ABCB4: variants seen among roughly 807,000 people sequenced by gnomAD.
ABCB4 encodes phosphatidylcholine translocator ABCB4.
Under a neutral mutation model 145.7 loss-of-function variants are expected in ABCB4, and 76 were observed. The observed-to-expected ratio is 0.52, with a 90% CI of 0.43 to 0.63. The LOEUF (loss-of-function observed/expected upper bound fraction) is 0.63, where lower values mean the gene tolerates loss of function less well. Among genes scored for constraint, ABCB4 ranks in the 30% least tolerant of loss-of-function variants. The pLI is 0.00. For missense variants in ABCB4, 1,234 were observed against 1,553.1 expected (o/e 0.79, Z 3.45); for synonymous variants, 517 against 566.8 (o/e 0.91, Z 1.25).
chr7:87,446,957 C>G (rs1347633704), intron 9 of ABCB4, 77 bp downstream of exon 9: 14 of 1,327,346 alleles, frequency 1.1e-5, no homozygotes, highest in Non-Finnish European at 1.2e-5. Context: ...CAAAAAGGAG[C>G]GATATCAAAG....
chr7:87,381,954 T>C, the ABCB4 span: 17 of 1,611,156 alleles, frequency 1.1e-5, no homozygotes, highest in Admixed American at 8.3e-5. Flanking sequence ...TCAGTTATTA[T>C]GTGGATGAGA....
At chr7:87,375,491 A>T in the ABCB4 span, 6 of 574,998 alleles carry the variant, frequency 1.0e-5, no homozygotes, top group South Asian at 1.4e-4. Context: ...GTGATGTAGG[A>T]AATCTATTGG....
intron 4 of ABCB4, among the ~76,000 whole-genome samples, chr7:87,461,724 T>C (rs1812473130): frequency 6.6e-6 from 1 of 152,224 alleles, no homozygotes; most frequent in African/African-American, 2.4e-5. Flanking sequence ...TTTTACTGGA[T>C]TTTTAAAAGG....
chr7:87,473,726 A>AGTGTGT lies in ABCB4; in HGVS notation c.81-1057_81-1052dup, dbSNP rs4015825. On this transcript the variant is annotated intron_variant, in intron 2 of 27. Transcript: ENST00000649586. ...TACTATAATATAAACTCTATGAGGG[A>AGTGTGT]GTGTGTGTGTGTGTGTGTGTATGAT... is the stretch of plus-strand genomic sequence containing the variant. Among the ~76,000 whole-genome samples, 205 of 150,102 alleles carry AGTGTGT rather than the reference A, an allele frequency of 1.4e-3. 1 individual carries two copies. Among genetic ancestry groups the AGTGTGT allele is most frequent in the African/African-American group, 4.1e-3 (167 of 41,008 alleles).
chr7:87,466,096 T>G (rs1388368494), intron 3 of ABCB4, among the ~76,000 whole-genome samples: 1 of 152,006 alleles, frequency 6.6e-6, no homozygotes, highest in Non-Finnish European at 1.5e-5. Context: ...TGATCAAACT[T>G]CTCTGAGCTA....
the ABCB4 span, among the ~76,000 whole-genome samples, chr7:87,378,237 G>C: frequency 6.6e-6 from 1 of 151,786 alleles, no homozygotes; most frequent in Non-Finnish European, 1.5e-5. Context: ...CCAGCTACTT[G>C]GGAGGCTGAG....
intron 3 of ABCB4, among the ~76,000 whole-genome samples, chr7:87,466,539 A>G (rs1214186226): frequency 6.6e-6 from 1 of 152,210 alleles, no homozygotes; most frequent in East Asian, 1.9e-4. Context: ...AATTCAGGAA[A>G]TACAGAGAAC....
intron 3 of ABCB4, among the ~76,000 whole-genome samples, chr7:87,471,567 TGA>T (rs1293361061): frequency 3.9e-5 from 6 of 152,130 alleles, no homozygotes; most frequent in Non-Finnish European, 7.4e-5. Context: ...CAGCAGTGTT[TGA>T]GAGTGTGGAT....
the ABCB4 span, among the ~76,000 whole-genome samples, chr7:87,378,879 T>C: frequency 1.3e-5 from 2 of 152,188 alleles, no homozygotes; most frequent in African/African-American, 4.8e-5. Flanking sequence ...ACAAGGTGGA[T>C]TGGTTAATAG....
intron 4 of ABCB4, among the ~76,000 whole-genome samples, chr7:87,458,361 T>G (rs1812234958): frequency 6.6e-6 from 1 of 152,248 alleles, no homozygotes; most frequent in African/African-American, 2.4e-5. Flanking sequence ...TTTATTCTGT[T>G]GACAAGGACG....
intron 22 of ABCB4, 67 bp downstream of exon 22, chr7:87,413,549 CT>C: frequency 9.6e-7 from 1 of 1,041,426 alleles, no homozygotes; most frequent in Non-Finnish European, 1.5e-6. Context: ...CTTTTATTAT[CT>C]TTTTGGGACA....
At chr7:87,434,620 TG>T (rs45481293) in intron 14 of ABCB4, among the ~76,000 whole-genome samples, 233 of 152,228 alleles carry the variant, frequency 1.5e-3, no homozygotes, top group African/African-American at 5.4e-3. Context: ...TGGTTGCATG[TG>T]ACTGTAGTCC....
In ABCB4 at chr7:87,439,679, T is replaced by C. The variant is rs1007139823; in HGVS notation, c.1719A>G (p.Ala573=). ...AGAGTCTACTGACCTTATCCAGAGC[T>C]GCCTGTACCTCAGCTTCACTTTCTG... is the stretch of plus-strand genomic sequence containing the variant. ...LDTESEAEVQ[A]ALDKAREGRT... Residue 573 remains alanine (A), a synonymous_variant, in exon 14 of 28, where the codon GCA becomes GCG. Coordinates refer to ENST00000649586, the MANE Select transcript of ABCB4 (RefSeq NM_000443.4). 2 of 1,614,172 alleles carry C rather than the reference T, an allele frequency of 1.2e-6. No homozygotes were observed. The highest frequency in any genetic ancestry group is 1.7e-6 in the Non-Finnish European group (2 of 1,180,014).
At chr7:87,406,106 G>A in intron 26 of ABCB4, 182 bp downstream of exon 26, 1 of 651,186 alleles carries the variant, frequency 1.5e-6, no homozygotes, top group Non-Finnish European at 2.7e-6. Flanking sequence ...ACATTTGTAT[G>A]AGGTAGGCAT....
At chr7:87,420,278 T>G (rs1040985454) in intron 18 of ABCB4, among the ~76,000 whole-genome samples, 1 of 152,118 alleles carries the variant, frequency 6.6e-6, no homozygotes, top group Non-Finnish European at 1.5e-5. Context: ...GAAACAAGAA[T>G]CAGGGACTGA....
the ABCB4 span, chr7:87,392,639 G>A: frequency 2.5e-6 from 4 of 1,612,970 alleles, no homozygotes; most frequent in Non-Finnish European, 3.4e-6. Flanking sequence ...TGTTCAGCTG[G>A]AAAAGGTACT....
At chr7:87,373,521 A>G in the ABCB4 span, among the ~76,000 whole-genome samples, 3 of 152,110 alleles carry the variant, frequency 2.0e-5, no homozygotes, top group South Asian at 6.2e-4. Context: ...AGATTTACAC[A>G]TATATTATCT....
rs749651405 is a variant in ABCB4, at chr7:87,440,344, A to G, written c.1415T>C (p.Ile472Thr). ...NFNVNYLREIIGVVSQEPVLF... is the reference protein window; with the variant it reads ...NFNVNYLREITGVVSQEPVLF... Reference sequence around the variant, plus strand: ...CACCGGCTCCTGACTCACCACACCAATGATTTCCCTCAGATAGTTTACATT... The same window carrying G: ...CACCGGCTCCTGACTCACCACACCAGTGATTTCCCTCAGATAGTTTACATT... Residue 472 changes from isoleucine (I) to threonine (T), a missense_variant, in exon 13 of 28, where the codon ATT becomes ACT. By Grantham distance (89) the Ile-to-Thr change is moderately conservative. Transcript: ENST00000649586. 14 of 1,614,048 alleles carry G rather than the reference A, an allele frequency of 8.7e-6. No homozygotes were observed. Among genetic ancestry groups the G allele is most frequent in the African/African-American group, 2.7e-5 (2 of 74,936 alleles).
intron 7 of ABCB4, 24 bp from the exon 8 acceptor site, chr7:87,450,116 C>G: frequency 6.2e-7 from 1 of 1,613,446 alleles, no homozygotes; most frequent in African/African-American, 1.3e-5. Context: ...AAACAGTGAT[C>G]ACTTTTGTAT....
Sources: allele counts gnomAD v4.1 joint callset (sites outside exome capture counted in the v4.1 genomes callset), GRCh38; gene constraint gnomAD v4.1.1; transcripts MANE v1.5; gene names NCBI Gene and HGNC (gene_info 2026-07-23, HGNC 2026-07-21).